Variants in ARHGEF11 observed in about 807,000 individuals in gnomAD.
The protein encoded by ARHGEF11 is Rho guanine nucleotide exchange factor 11.
Under a neutral mutation model 193.7 loss-of-function variants are expected in ARHGEF11, and 55 were observed. That is an observed-to-expected ratio of 0.28 (90% CI 0.23 to 0.36). The LOEUF is 0.36. Ranked by LOEUF, ARHGEF11 falls within the 10% of genes least tolerant of loss-of-function variation. The pLI, the probability that ARHGEF11 is intolerant of heterozygous loss-of-function variation, is 1.00. For synonymous variants in ARHGEF11, 693 were observed against 768.0 expected (o/e 0.90, Z 1.62); for missense variants, 1,723 against 2,005.6 (o/e 0.86, Z 2.69).
intron 22 of ARHGEF11, chr1:156,949,176 G>C: frequency 1.1e-6 from 1 of 951,162 alleles, no homozygotes; most frequent in South Asian, 4.9e-5. Context: ...TGTGCTTAAA[G>C]GGGCCTTTTT....
intron 36 of ARHGEF11, 22 bp from the exon 37 acceptor site, chr1:156,939,932 G>A: frequency 6.3e-7 from 1 of 1,597,740 alleles, no homozygotes. Flanking sequence ...ACAGGGTGAT[G>A]TCTTCCCAGC....
At chr1:156,961,627 GTAGTTCAA>G in intron 14 of ARHGEF11, 42 bp downstream of exon 14, 1 of 1,530,542 alleles carries the variant, frequency 6.5e-7, no homozygotes, top group Non-Finnish European at 9.1e-7. Context: ...CTGCCTCTGA[GTAGTTCAA>G]AGAATATGAT....
chr1:156,953,348 AG>A (rs1392181309), intron 21 of ARHGEF11, among the ~76,000 whole-genome samples: 1 of 152,182 alleles, frequency 6.6e-6, no homozygotes, highest in East Asian at 1.9e-4. Context: ...CTGAGGTGGG[AG>A]GACTGTTTGA....
At chr1:156,985,902 C>T in intron 2 of ARHGEF11, 180 bp downstream of exon 2, 1 of 533,792 alleles carries the variant, frequency 1.9e-6, no homozygotes, top group Non-Finnish European at 3.4e-6. Context: ...TAGTTCCCTG[C>T]TCCTGGGAGG....
chr1:156,970,122 T>G lies in ARHGEF11; in HGVS notation c.703-79A>C, dbSNP rs370862805. On this transcript the variant is annotated intron_variant, in intron 8 of 40. Transcript: ENST00000368194. Reference sequence around the variant, plus strand: ...GGTTTTCTTTCACCAATCAGTGCCTTATTTGCTTACAATTAGTGGCCTCTT... The same window carrying G: ...GGTTTTCTTTCACCAATCAGTGCCTGATTTGCTTACAATTAGTGGCCTCTT... The G allele has an allele frequency of 6.4e-5, 83 of 1,299,536 alleles. No homozygotes were observed. The African/African-American group carries it at 1.0e-3, about 16-fold the overall frequency. 80.5% of individuals were successfully genotyped at this position (1,299,536 alleles called of 1,614,324 possible). A position where few individuals can be genotyped will look rare whatever the true frequency, so the allele number is the denominator to read the frequency against.
chr1:156,959,259 G>GCCAGC, intron 15 of ARHGEF11, 117 bp from the exon 16 acceptor site: 1 of 811,560 alleles, frequency 1.2e-6, no homozygotes, highest in Non-Finnish European at 2.0e-6. Context: ...GGAAGGGCTG[G>GCCAGC]CTTTCTGCCC....
rs1320289678 is a variant in ARHGEF11 at position 156,978,479 on chromosome 1, A to G, written c.332-97T>C. ...GGCTGTTCTCCCTTGTCCTGTCATT[A>G]AACTCATTATTCTGTAGATTAAGTT... On this transcript the variant is annotated intron_variant, in intron 5 of 40. Coordinates refer to ENST00000368194, the MANE Select transcript of ARHGEF11 (RefSeq NM_198236.3). The G allele has an allele frequency of 8.3e-6, 12 of 1,453,512 alleles. No homozygotes were observed. The Admixed American group carries it at 3.0e-4, about 37-fold the overall frequency. 90.0% of individuals were successfully genotyped at this position (1,453,512 alleles called of 1,614,324 possible). A position where few individuals can be genotyped will look rare whatever the true frequency, so the allele number is the denominator to read the frequency against.
intron 1 of ARHGEF11, among the ~76,000 whole-genome samples, chr1:157,029,513 G>A (rs1671047753): frequency 6.6e-6 from 1 of 151,810 alleles, no homozygotes; most frequent in South Asian, 2.1e-4. Flanking sequence ...CTCAGGTGAT[G>A]CACCTGCCTC....
chr1:156,968,196 T>C lies in ARHGEF11; in HGVS notation c.826-72A>G, dbSNP rs1409331017. Reference sequence around the variant, plus strand: ...CCTCAAGGCTCAGCTCATTTGGTGTTGGTGGTGATAACCATACTTATAACA... The same window carrying C: ...CCTCAAGGCTCAGCTCATTTGGTGTCGGTGGTGATAACCATACTTATAACA... On this transcript the variant is annotated intron_variant, in intron 10 of 40. Transcript: ENST00000368194. 25 of 1,528,916 alleles carry C rather than the reference T, an allele frequency of 1.6e-5. No homozygotes were observed. In the East Asian group the frequency reaches 5.2e-4, roughly 32 times the overall value. The allele number at this position is 1,528,916 out of a possible 1,614,324, so 94.7% of individuals were successfully genotyped here.
intron 1 of ARHGEF11, among the ~76,000 whole-genome samples, chr1:156,998,988 T>G (rs1666888404): frequency 6.6e-6 from 1 of 152,004 alleles, no homozygotes; most frequent in Admixed American, 6.5e-5. Context: ...GGAGTAGAAG[T>G]CAGGGGTGGA....
rs529220317 is a variant in ARHGEF11 at position 157,027,239 on chromosome 1, G to A, written c.32+17060C>T. Among the ~76,000 whole-genome samples the A allele has an allele frequency of 9.3e-4, 141 of 152,028 alleles. 1 individual carries two copies. Among genetic ancestry groups the A allele is most frequent in the Non-Finnish European group, 1.5e-3 (103 of 68,018 alleles). On this transcript the variant is annotated intron_variant, in intron 1 of 40. Transcript: ENST00000368194. ...TCTACAAAACATACAAAAATTAGCC[G>A]AGTGCGGTGGCACATGCCTGTAGTC... is the stretch of plus-strand genomic sequence containing the variant.
chr1:156,976,889 G>T, intron 7 of ARHGEF11, 94 bp downstream of exon 7: 625 of 1,038,682 alleles, frequency 6.0e-4, no homozygotes, highest in East Asian at 1.1e-3. Context: ...ATAGGATATT[G>T]CCTGTAAATT....
rs1196129314 is a variant in ARHGEF11, at chr1:157,036,023, ATATATAGGAATATATATATGAATC to A, written c.32+8252_32+8275del. ...TATATAGGAATATATATATGAATCTATATATAGGAATATATATATGAATCTATATAGGAATATATATATGAATCT... is the reference window on the plus strand; with the variant it reads ...TATATAGGAATATATATATGAATCTATATATAGGAATATATATATGAATCT... On this transcript the variant is annotated intron_variant, in intron 1 of 40. Coordinates refer to ENST00000368194, the MANE Select transcript of ARHGEF11 (RefSeq NM_198236.3). Among the ~76,000 whole-genome samples the A allele has an allele frequency of 5.5e-5, 7 of 128,040 alleles. No homozygotes were observed. The East Asian group carries it at 1.2e-3, about 22-fold the overall frequency. The allele number at this position is 128,040 out of a possible 152,430, so 84.0% of individuals were successfully genotyped here.
Position 156,943,994 on chromosome 1 carries a change from T to C in ARHGEF11, c.3176A>G (p.Lys1059Arg). The C allele has an allele frequency of 1.2e-6, 2 of 1,614,194 alleles. No homozygotes were observed. The highest frequency in any genetic ancestry group is 1.1e-5 in the South Asian group (1 of 91,080). ...SKTAVGSSDS[K>R]QTFSPVLKLN... The stretch of plus-strand genomic sequence containing the variant: ...CTTGAGCACGGGGCTGAAGGTCTGC[T>C]TGCTGTCTGAGGAGCCCACAGCAGT... The change falls in exon 32 of 41, where the codon AAG (lysine) becomes AGG (arginine). Residue 1059 changes from lysine to arginine, a missense_variant. Physicochemically the swap from Lys to Arg is conservative, Grantham distance 26. Coordinates refer to ENST00000368194, the MANE Select transcript of ARHGEF11 (RefSeq NM_198236.3).
intron 1 of ARHGEF11, among the ~76,000 whole-genome samples, chr1:157,034,440 G>A (rs1352766580): frequency 6.6e-6 from 1 of 152,242 alleles, no homozygotes; most frequent in Non-Finnish European, 1.5e-5. Flanking sequence ...GCTGAAGGCA[G>A]GCAACCCCAA....
intron 1 of ARHGEF11, among the ~76,000 whole-genome samples, chr1:157,041,879 C>T (rs1672796749): frequency 6.6e-6 from 1 of 152,138 alleles, no homozygotes; most frequent in South Asian, 2.1e-4. Context: ...GTACTGTACA[C>T]CTTAATTTTC....
At chr1:157,041,399 T>C (rs1364528474) in intron 1 of ARHGEF11, among the ~76,000 whole-genome samples, 2 of 152,160 alleles carry the variant, frequency 1.3e-5, no homozygotes, top group Non-Finnish European at 2.9e-5. Context: ...TAGTTGCAAA[T>C]ACTTTATGCT....
intron 7 of ARHGEF11, among the ~76,000 whole-genome samples, chr1:156,972,975 T>G (rs1662713753): frequency 6.6e-6 from 1 of 152,206 alleles, no homozygotes; most frequent in South Asian, 2.1e-4. Context: ...CCAACAAAAG[T>G]CTTTCAATCA....
upstream of ARHGEF11, among the ~76,000 whole-genome samples, chr1:157,046,101 C>T (rs1673299864): frequency 6.6e-6 from 1 of 151,160 alleles, no homozygotes; most frequent in Non-Finnish European, 1.5e-5. Context: ...CCGGTCCCCT[C>T]TGCGGCCCCT....
Sources: allele counts gnomAD v4.1 joint callset (sites outside exome capture counted in the v4.1 genomes callset), GRCh38; gene constraint gnomAD v4.1.1; transcripts MANE v1.5; gene names NCBI Gene and HGNC (gene_info 2026-07-23, HGNC 2026-07-21).